NFILZ: variants seen among roughly 807,000 people sequenced by gnomAD.
NFILZ encodes the protein NFIL3 like protein.
chr19:8,636,526 C>A (rs1184185632), intron 3 of NFILZ, among the ~76,000 whole-genome samples: 1 of 146,862 alleles, frequency 6.8e-6, no homozygotes, highest in African/African-American at 2.5e-5. Flanking sequence ...CTCACCGCAA[C>A]CTCTGCCTCC....
intron 3 of NFILZ, among the ~76,000 whole-genome samples, chr19:8,650,374 G>T (rs1555747581): frequency 6.6e-6 from 1 of 152,048 alleles, no homozygotes; most frequent in Non-Finnish European, 1.5e-5. Context: ...ATTAATAGAG[G>T]CTGCGTGCGG....
At chr19:8,649,307 C>G (rs549528777) in intron 3 of NFILZ, among the ~76,000 whole-genome samples, 1 of 151,732 alleles carries the variant, frequency 6.6e-6, no homozygotes, top group South Asian at 2.1e-4. Context: ...GCTCTGTTGC[C>G]CAGGCTGGAG....
Position 8,680,172 on chromosome 19 carries a change from G to A in NFILZ, c.*2537G>A, listed in dbSNP as rs1555751277. Among the ~76,000 whole-genome samples, 1 of 148,098 alleles carries A rather than the reference G, an allele frequency of 6.8e-6. No individual in the cohort carries two copies. The highest frequency in any genetic ancestry group is 2.5e-5 in the African/African-American group (1 of 39,812). ...GATTGCACCACTGCAGTCCAGCCTGGGCGACAGAGCGAGACTCCATCTGAA... is the reference window on the plus strand; with the variant it reads ...GATTGCACCACTGCAGTCCAGCCTGAGCGACAGAGCGAGACTCCATCTGAA... On this transcript the variant is annotated 3_prime_UTR_variant, in exon 6 of 6. Coordinates refer to ENST00000691075, the MANE Select transcript of NFILZ (RefSeq NM_001378600.1).
At chr19:8,639,243 G>A (rs374946349) in intron 3 of NFILZ, among the ~76,000 whole-genome samples, 1 of 152,180 alleles carries the variant, frequency 6.6e-6, no homozygotes, top group Non-Finnish European at 1.5e-5. Flanking sequence ...GGTGACAGTG[G>A]GTGTTGTGGG....
chr19:8,657,725 G>A (rs578241057), intron 3 of NFILZ, among the ~76,000 whole-genome samples: 2 of 152,208 alleles, frequency 1.3e-5, no homozygotes, highest in South Asian at 2.1e-4. Flanking sequence ...GAATAATTAC[G>A]GTGAGGCCAG....
Position 8,663,724 on chromosome 19 carries a change from G to GTGTGTGTGTGTGTGTGTGTGTGTGTGTA in NFILZ, c.-163-10800_-163-10799insATGTGTGTGTGTGTGTGTGTGTGTGTGT, listed in dbSNP as rs2043044771. Among the ~76,000 whole-genome samples, 7 of 75,612 alleles carry GTGTGTGTGTGTGTGTGTGTGTGTGTGTA rather than the reference G, an allele frequency of 9.3e-5. No homozygotes were observed. In the Admixed American group the frequency reaches 1.1e-3, roughly 12 times the overall value. 49.6% of individuals were successfully genotyped at this position (75,612 alleles called of 152,430 possible). ...CAAGGTGTGGTGTGTGTGTGTGTTT[G>GTGTGTGTGTGTGTGTGTGTGTGTGTGTA]TGTGTGTGTGTGTGTGTGTGTGTGT... On this transcript the variant is annotated intron_variant, in intron 3 of 5. Transcript: ENST00000691075.
At position 8,678,096 on chromosome 19, in the gene NFILZ, T is replaced by C. The variant is rs1555750959; in HGVS notation, c.*461T>C. Reference sequence around the variant, plus strand: ...TCCATCAATCCATCCATCCATTCCATCCATCCATCCATCCATCCATCCATC... The same window carrying C: ...TCCATCAATCCATCCATCCATTCCACCCATCCATCCATCCATCCATCCATC... On this transcript the variant is annotated 3_prime_UTR_variant, in exon 6 of 6. Transcript: ENST00000691075. 7.4e-6 allele frequency among the ~76,000 whole-genome samples: 1 copy of C among 135,770 alleles called. No homozygotes were observed. Among genetic ancestry groups the C allele is most frequent in the Non-Finnish European group, 1.5e-5 (1 of 64,968 alleles). The allele number at this position is 135,770 out of a possible 152,430, so 89.1% of individuals were successfully genotyped here. A position where few individuals can be genotyped will look rare whatever the true frequency, so the allele number is the denominator to read the frequency against.
At chr19:8,656,328 C>T in intron 3 of NFILZ, among the ~76,000 whole-genome samples, 1 of 128,668 alleles carries the variant, frequency 7.8e-6, no homozygotes, top group South Asian at 2.7e-4. Flanking sequence ...TCCCTGAAGC[C>T]CCCTTCTTCC....
chr19:8,674,888 A>G (rs1400212758), intron 4 of NFILZ, among the ~76,000 whole-genome samples: 2 of 152,224 alleles, frequency 1.3e-5, no homozygotes. Flanking sequence ...CTCCCAATTT[A>G]GGAAAGTTAC....
chr19:8,658,211 C>T (rs2043013781), intron 3 of NFILZ, among the ~76,000 whole-genome samples: 2 of 152,172 alleles, frequency 1.3e-5, no homozygotes, highest in Admixed American at 6.5e-5. Context: ...GTTACAACCA[C>T]CACTTCCGAG....
intron 1 of NFILZ, among the ~76,000 whole-genome samples, chr19:8,631,915 G>A (rs1258081336): frequency 6.6e-6 from 1 of 150,768 alleles, no homozygotes; most frequent in Non-Finnish European, 1.5e-5. Context: ...TGTTGCCCAG[G>A]CTGCAATGCA....
At chr19:8,665,791 A>G (rs577650826) in intron 3 of NFILZ, among the ~76,000 whole-genome samples, 1 of 152,366 alleles carries the variant, frequency 6.6e-6, no homozygotes, top group East Asian at 1.9e-4. Flanking sequence ...TATCTCATGT[A>G]AATGAAAACA....
chr19:8,653,429 T>C (rs1043872842), intron 3 of NFILZ, among the ~76,000 whole-genome samples: 12 of 152,112 alleles, frequency 7.9e-5, no homozygotes, highest in Non-Finnish European at 1.6e-4. Flanking sequence ...TTGCTGAAGA[T>C]GAGTCTATTT....
chr19:8,647,585 C>CT (rs1216043606), intron 3 of NFILZ, among the ~76,000 whole-genome samples: 68 of 148,446 alleles, frequency 4.6e-4, no homozygotes, highest in Middle Eastern at 3.5e-3. Context: ...CACCCCCCCC[C>CT]CCAAAAAAAG....
intron 4 of NFILZ, among the ~76,000 whole-genome samples, chr19:8,675,301 T>C (rs1297761360): frequency 6.6e-6 from 1 of 152,178 alleles, no homozygotes; most frequent in Non-Finnish European, 1.5e-5. Flanking sequence ...CTGTTTTGTA[T>C]CTGAATCACA....
chr19:8,652,993 TTCCTTCCTTCCTTCC>T (rs2042973182), intron 3 of NFILZ, among the ~76,000 whole-genome samples: 1 of 41,594 alleles, frequency 2.4e-5, no homozygotes. Flanking sequence ...CCTTCCTTCC[TTCCTTCCTTCCTTCC>T]TTCCTTTCTT....
intron 3 of NFILZ, among the ~76,000 whole-genome samples, chr19:8,656,824 C>G (rs73922200): frequency 0.85 from 129,101 of 152,092 alleles, 55,449 homozygotes; most frequent in Non-Finnish European, 0.92. Context: ...ATGCCTCATG[C>G]ACCAGGGAGG....
At chr19:8,635,579 T>G (rs1347986296) in intron 2 of NFILZ, 71 bp from the exon 3 acceptor site, 1 of 152,146 alleles carries the variant, frequency 6.6e-6, no homozygotes, top group Non-Finnish European at 1.5e-5. Context: ...GTGTAGCATT[T>G]TTTGTTTCTT....
chr19:8,630,915 G>A (rs1179784566), intron 1 of NFILZ, among the ~76,000 whole-genome samples, 171 bp downstream of exon 1: 2 of 152,152 alleles, frequency 1.3e-5, no homozygotes, highest in South Asian at 4.1e-4. Context: ...TCCCTTCTGG[G>A]ATCTCATGAT....
Sources: gnomAD v4.1 joint callset for allele counts (sites outside exome capture counted in the v4.1 genomes callset) on GRCh38, gnomAD v4.1.1 for gene constraint, MANE v1.5 for transcripts, NCBI Gene and HGNC (gene_info 2026-07-23, HGNC 2026-07-21) for gene names.